Variants in THTPA observed in about 807,000 individuals in gnomAD.
THTPA encodes the protein thiamine-triphosphatase.
In THTPA, 16 loss-of-function variants were observed where a neutral mutation model predicts 16.5. The observed-to-expected ratio is 0.97, with a 90% CI of 0.66 to 1.47. THTPA has a LOEUF of 1.47. THTPA is among the 40% of genes most tolerant of loss of function. The probability of loss-of-function intolerance (pLI) is 0.00; values close to 1 mark genes in which losing one functional copy is unlikely to be tolerated. For synonymous variants in THTPA, 110 were observed against 115.5 expected (o/e 0.95, Z 0.30); for missense variants, 281 against 280.9 (o/e 1.00, Z 0.00).
At chr14:23,541,868 A>C in the THTPA span, among the ~76,000 whole-genome samples, 1 of 152,234 alleles carries the variant, frequency 6.6e-6, no homozygotes, top group Non-Finnish European at 1.5e-5. Flanking sequence ...GAAAACAAAC[A>C]GTACTTTGAT....
chr14:23,559,399 T>C lies in THTPA; in HGVS notation c.*559T>C. The C allele has an allele frequency of 3.3e-6, 1 of 299,802 alleles. No individual in the cohort carries two copies. The highest frequency in any genetic ancestry group is 6.4e-6 in the Non-Finnish European group (1 of 155,416). The allele number at this position is 299,802 out of a possible 1,614,324, so 18.6% of individuals were successfully genotyped here. On this transcript the variant is annotated 3_prime_UTR_variant, in exon 2 of 2. Coordinates refer to ENST00000288014, the MANE Select transcript of THTPA (RefSeq NM_024328.6). Reference sequence around the variant, plus strand: ...CTCCTGTGGAAGTTTAGGGGCAAATTTGTTCCCTGACCTGGAGAGGGTTAG... The same window carrying C: ...CTCCTGTGGAAGTTTAGGGGCAAATCTGTTCCCTGACCTGGAGAGGGTTAG...
At chr14:23,548,680 G>T in the THTPA span, among the ~76,000 whole-genome samples, 2 of 152,182 alleles carry the variant, frequency 1.3e-5, no homozygotes, top group Non-Finnish European at 2.9e-5. Context: ...TTTCGTGGGG[G>T]TAGTGAGTGA....
chr14:23,533,670 T>C, the THTPA span: 1 of 1,537,808 alleles, frequency 6.5e-7, no homozygotes, highest in Non-Finnish European at 8.7e-7. The surrounding 1 kb of genome is among the most constrained non-coding windows in gnomAD (Gnocchi z 4.8). Flanking sequence ...GTGGGAGTGA[T>C]GCCTCTGGTG....
chr14:23,551,708 G>T, upstream of THTPA: 1 of 153,098 alleles, frequency 6.5e-6, no homozygotes, highest in Non-Finnish European at 1.4e-5. This position sits in a 1 kb window ranked among gnomAD's most constrained non-coding sequence, Gnocchi z 5.3. Context: ...CCTCCTCCTC[G>T]CCCTCACTCC....
the THTPA span, chr14:23,523,447 G>A: frequency 6.5e-7 from 1 of 1,535,772 alleles, no homozygotes; most frequent in Non-Finnish European, 8.7e-7. The surrounding 1 kb of genome is among the most constrained non-coding windows in gnomAD (Gnocchi z 4.1). Flanking sequence ...GACGGGAAAA[G>A]AGATGGCCTC....
rs553068124 is a variant in THTPA, at chr14:23,558,194, C to T, written c.548-501C>T. ...ACAAGACACTGGCAACAGGCAGTTC[C>T]ATTCTCACCTCACCATGTAGAGGCG... On this transcript the variant is annotated intron_variant, in intron 1 of 1. Coordinates refer to ENST00000288014, the MANE Select transcript of THTPA (RefSeq NM_024328.6). 3.9e-5 allele frequency among the ~76,000 whole-genome samples: 6 copies of T among 152,366 alleles called. No homozygotes were observed. In the East Asian group the frequency reaches 1.2e-3, roughly 29 times the overall value.
upstream of THTPA, among the ~76,000 whole-genome samples, chr14:23,555,218 C>T (rs759929196): frequency 8.5e-5 from 13 of 152,228 alleles, no homozygotes; most frequent in Non-Finnish European, 1.6e-4. Context: ...AGGCTGGTCT[C>T]GAACTCCTGA....
At position 23,556,439 on chromosome 14, in the gene THTPA, A is replaced by ATCTCG; in HGVS notation, c.-319_-318insTCTCG. ...AGCCTCCTGGGGTGGCAAGGTGTAGAGAGGGGGGCGTTGAAAGGACACCCG... is the reference window on the plus strand; with the variant it reads ...AGCCTCCTGGGGTGGCAAGGTGTAGATCTCGGAGGGGGGCGTTGAAAGGACACCCG... On this transcript the variant is annotated 5_prime_UTR_variant, in exon 1 of 2. Coordinates refer to ENST00000288014, the MANE Select transcript of THTPA (RefSeq NM_024328.6). 2.9e-6 allele frequency: 1 copy of ATCTCG among 350,268 alleles called. No individual in the cohort carries two copies. 21.7% of individuals were successfully genotyped at this position (350,268 alleles called of 1,614,324 possible).
In THTPA at chr14:23,560,199, A is replaced by T. The variant is rs2139047162; in HGVS notation, c.*1359A>T. 6.3e-7 allele frequency: 1 copy of T among 1,588,934 alleles called. No homozygotes were observed. The highest frequency in any genetic ancestry group is 8.6e-7 in the Non-Finnish European group (1 of 1,162,040). ...TGTCTCCCACCCACCTCCTCCACTT[A>T]GTGGCCTTTTCTCCTGGAGTCCCCA... On this transcript the variant is annotated 3_prime_UTR_variant, in exon 2 of 2. Coordinates refer to ENST00000288014, the MANE Select transcript of THTPA (RefSeq NM_024328.6).
the THTPA span, chr14:23,527,877 T>TGCA: frequency 7.5e-7 from 1 of 1,341,120 alleles, no homozygotes; most frequent in South Asian, 1.3e-5. Flanking sequence ...GTCCTTTGGA[T>TGCA]GCAGCACTGG....
At chr14:23,534,241 T>G in the THTPA span, 1 of 1,522,750 alleles carries the variant, frequency 6.6e-7, no homozygotes, top group Non-Finnish European at 8.8e-7. The surrounding 1 kb of genome is among the most constrained non-coding windows in gnomAD (Gnocchi z 4.5). Flanking sequence ...TACTGGCGAT[T>G]CTTTGGCTTG....
At chr14:23,521,920 G>C in the THTPA span, 1 of 1,533,538 alleles carries the variant, frequency 6.5e-7, no homozygotes, top group Non-Finnish European at 8.7e-7. Flanking sequence ...GTAAAAGAGG[G>C]AGCCCTGAGG....
chr14:23,516,204 A>G, the THTPA span, among the ~76,000 whole-genome samples: 2 of 152,208 alleles, frequency 1.3e-5, no homozygotes, highest in Non-Finnish European at 2.9e-5. Context: ...ATTTTACATA[A>G]GCACTCATGT....
Position 23,559,716 on chromosome 14 carries a change from C to T in THTPA, c.*876C>T. ...TGCTGGGGCCCCCTGGGGTTTGGGACACAGGAGAATTTCAGGCTGTGAGTG... is the reference window on the plus strand; with the variant it reads ...TGCTGGGGCCCCCTGGGGTTTGGGATACAGGAGAATTTCAGGCTGTGAGTG... On this transcript the variant is annotated 3_prime_UTR_variant, in exon 2 of 2. Coordinates refer to ENST00000288014, the MANE Select transcript of THTPA (RefSeq NM_024328.6). 1 of 1,608,798 alleles carries T rather than the reference C, an allele frequency of 6.2e-7. No homozygotes were observed. Among genetic ancestry groups the T allele is most frequent in the Non-Finnish European group, 8.5e-7 (1 of 1,176,402 alleles).
chr14:23,534,074 G>T, the THTPA span: 1 of 1,519,334 alleles, frequency 6.6e-7, no homozygotes, highest in Non-Finnish European at 8.8e-7. The surrounding 1 kb of genome is among the most constrained non-coding windows in gnomAD (Gnocchi z 4.5). Flanking sequence ...AGGCGATAGG[G>T]CTGGGGTGGG....
At chr14:23,514,935 C>T in the THTPA span, among the ~76,000 whole-genome samples, 1 of 152,126 alleles carries the variant, frequency 6.6e-6, no homozygotes, top group Non-Finnish European at 1.5e-5. Context: ...CTTATTGCCC[C>T]CACGAAAGGG....
the THTPA span, chr14:23,531,531 G>A: frequency 5.8e-5 from 87 of 1,509,756 alleles, no homozygotes; most frequent in South Asian, 9.9e-4. Context: ...CTGAAGAGCT[G>A]CGAGTCCTTC....
chr14:23,534,127 C>T, the THTPA span: 4 of 1,480,116 alleles, frequency 2.7e-6, no homozygotes, highest in South Asian at 2.7e-5. This position sits in a 1 kb window ranked among gnomAD's most constrained non-coding sequence, Gnocchi z 4.5. Context: ...AGGGAGAGTG[C>T]CCCCCTCCTT....
chr14:23,530,151 C>T, the THTPA span: 1 of 1,536,050 alleles, frequency 6.5e-7, no homozygotes. Context: ...GGGCATCTTT[C>T]TCAGGGGTGG....
Sources: allele counts gnomAD v4.1 joint callset (sites outside exome capture counted in the v4.1 genomes callset), GRCh38; gene constraint gnomAD v4.1.1; non-coding constraint Gnocchi (gnomAD v3.1); transcripts MANE v1.5; gene names NCBI Gene and HGNC (gene_info 2026-07-23, HGNC 2026-07-21).